The following EMC2 variants were observed in gnomAD, a reference collection of about 807,000 sequenced individuals.
The protein encoded by EMC2 is TPR repeat protein 35.
In EMC2, 37 loss-of-function variants were observed where a neutral mutation model predicts 51.6. That is an observed-to-expected ratio of 0.72 (90% CI 0.55 to 0.94). EMC2 has a LOEUF of 0.94. Ranked by LOEUF, EMC2 falls within the 40% of genes least tolerant of loss-of-function variation. The pLI is 0.00. For missense variants in EMC2, 359 were observed against 350.9 expected, an observed-to-expected ratio of 1.02 and a Z score of -0.18; for synonymous variants, 131 against 112.4, an observed-to-expected ratio of 1.17 and a Z score of -1.04.
At chr8:108,479,435 G>A (rs915885447) in intron 10 of EMC2, among the ~76,000 whole-genome samples, 1 of 152,056 alleles carries the variant, frequency 6.6e-6, no homozygotes, top group Non-Finnish European at 1.5e-5. Flanking sequence ...GATTGGGTAT[G>A]TGAGTGTATT....
chr8:108,462,307 C>T (rs906496223), intron 5 of EMC2, among the ~76,000 whole-genome samples: 1 of 151,808 alleles, frequency 6.6e-6, no homozygotes, highest in Non-Finnish European at 1.5e-5. Flanking sequence ...AAGATCATGC[C>T]ATGTCATCAC....
intron 1 of EMC2, among the ~76,000 whole-genome samples, chr8:108,446,590 A>T (rs927372609): frequency 3.9e-5 from 6 of 152,192 alleles, no homozygotes; most frequent in African/African-American, 1.4e-4. Context: ...ATGGAATGTC[A>T]GGTAGTATTA....
At chr8:108,466,056 A>AT (rs1479789119) in intron 5 of EMC2, among the ~76,000 whole-genome samples, 1 of 152,206 alleles carries the variant, frequency 6.6e-6, no homozygotes, top group African/African-American at 2.4e-5. Flanking sequence ...CACTTTACAT[A>AT]TATTATCCCA....
intron 5 of EMC2, among the ~76,000 whole-genome samples, chr8:108,469,087 A>G (rs1810798708): frequency 6.6e-6 from 1 of 152,128 alleles, no homozygotes; most frequent in Non-Finnish European, 1.5e-5. Context: ...TATCCCTGTC[A>G]TTGCTCTTAC....
intron 1 of EMC2, among the ~76,000 whole-genome samples, chr8:108,445,650 C>T (rs889375331): frequency 6.6e-6 from 1 of 151,814 alleles, no homozygotes; most frequent in African/African-American, 2.4e-5. Flanking sequence ...ACCTGCAATC[C>T]TTCGATTATG....
intron 9 of EMC2, among the ~76,000 whole-genome samples, chr8:108,478,051 G>A (rs1810979178): frequency 6.6e-6 from 1 of 152,028 alleles, no homozygotes; most frequent in South Asian, 2.1e-4. Flanking sequence ...TTCATAAGAA[G>A]AAGGTAACAT....
intron 4 of EMC2, among the ~76,000 whole-genome samples, chr8:108,455,573 A>G (rs931664510): frequency 1.3e-5 from 2 of 152,152 alleles, no homozygotes; most frequent in Admixed American, 6.6e-5. Flanking sequence ...TCTGTCTTCA[A>G]CTTGTGTGGC....
At chr8:108,468,501 A>T (rs1036166156) in intron 5 of EMC2, among the ~76,000 whole-genome samples, 1 of 151,974 alleles carries the variant, frequency 6.6e-6, no homozygotes, top group Non-Finnish European at 1.5e-5. Context: ...GATATATATT[A>T]TTAAAACATC....
At position 108,451,476 on chromosome 8, in the gene EMC2, A is replaced by C. The variant is rs1012634941; in HGVS notation, c.219+984A>C. On this transcript the variant is annotated intron_variant, in intron 3 of 10. Coordinates refer to ENST00000220853, the MANE Select transcript of EMC2 (RefSeq NM_014673.5). The stretch of plus-strand genomic sequence containing the variant: ...TCATGCTGCCTCTGTATTTAAACTG[A>C]AAGAAAATATGCAAAAACAAAAAAT... Among the ~76,000 whole-genome samples, 4 of 152,142 alleles carry C rather than the reference A, an allele frequency of 2.6e-5. No individual in the cohort carries two copies. The South Asian group carries it at 8.3e-4, about 32-fold the overall frequency.
chr8:108,476,390 A>G (rs1810947032), intron 8 of EMC2, among the ~76,000 whole-genome samples: 1 of 151,956 alleles, frequency 6.6e-6, no homozygotes, highest in South Asian at 2.1e-4. Flanking sequence ...GAAGGACTTC[A>G]TTATTAAAGA....
chr8:108,449,954 A>G lies in EMC2; in HGVS notation c.154+18A>G, dbSNP rs762093138. ...AGATGATAGTAAGTTCTTTTATTAC[A>G]TTCAGGCTCAGTACATGCCTCATTC... On this transcript the variant is annotated intron_variant, in intron 2 of 10. Transcript: ENST00000220853. 8.4e-7 allele frequency: 1 copy of G among 1,196,946 alleles called. No homozygotes were observed. Among genetic ancestry groups the G allele is most frequent in the South Asian group, 1.3e-5 (1 of 79,744 alleles). 74.1% of individuals were successfully genotyped at this position (1,196,946 alleles called of 1,614,324 possible).
chr8:108,444,481 G>T (rs1272372228), intron 1 of EMC2, among the ~76,000 whole-genome samples: 1 of 152,022 alleles, frequency 6.6e-6, no homozygotes, highest in Non-Finnish European at 1.5e-5. Context: ...TTTCATTAAG[G>T]CGTGGAATTT....
chr8:108,483,310 G>A (rs1004167541), intron 10 of EMC2, among the ~76,000 whole-genome samples: 1 of 152,084 alleles, frequency 6.6e-6, no homozygotes, highest in Non-Finnish European at 1.5e-5. Context: ...TGACAAATGT[G>A]TACATCCCCT....
At chr8:108,457,315 G>T (rs1819189686) in intron 5 of EMC2, among the ~76,000 whole-genome samples, 1 of 140,646 alleles carries the variant, frequency 7.1e-6, no homozygotes, top group South Asian at 2.4e-4. Flanking sequence ...TTTGTGTAGG[G>T]ATGTGCGTGT....
rs1818988155 is a variant in EMC2 at position 108,450,416 on chromosome 8, A to G, written c.155-12A>G. On this transcript the variant is annotated splice_polypyrimidine_tract_variant and intron_variant, in intron 2 of 10. Transcript: ENST00000220853. ...TTAAATTCAGTTTTTTTCCCCCTTT[A>G]TGTGTATCTAGTTTGGATCATATAT... is the stretch of plus-strand genomic sequence containing the variant. The G allele has an allele frequency of 1.3e-6, 2 of 1,550,512 alleles. No individual in the cohort carries two copies. Among genetic ancestry groups the G allele is most frequent in the Admixed American group, 1.7e-5 (1 of 59,424 alleles).
chr8:108,465,627 T>C (rs576180620), intron 5 of EMC2, among the ~76,000 whole-genome samples: 56 of 152,304 alleles, frequency 3.7e-4, no homozygotes, highest in African/African-American at 1.1e-3. Context: ...ATACATGGGT[T>C]CTTCAGAACT....
At chr8:108,446,736 G>A (rs1818885597) in intron 1 of EMC2, among the ~76,000 whole-genome samples, 1 of 152,150 alleles carries the variant, frequency 6.6e-6, no homozygotes, top group Non-Finnish European at 1.5e-5. Context: ...TTTTCTTCAA[G>A]ATGGTTTTAT....
intron 5 of EMC2, among the ~76,000 whole-genome samples, chr8:108,464,993 AG>A (rs1005337883): frequency 2.0e-5 from 3 of 152,250 alleles, no homozygotes; most frequent in Admixed American, 6.5e-5. Context: ...GGAGTGAGGC[AG>A]GGGGGAGGTT....
rs1819066477 is a variant in EMC2 at position 108,453,091 on chromosome 8, C to T, written c.249C>T (p.Phe83=). ...GTCTTCAAGAGCTGAGAAGACAGTT[C>T]CCTGGCAGTCACAGAGTCAAGCGAT... The part of the protein sequence containing the change: ...LFCLQELRRQ[F]PGSHRVKRLT... Residue 83 remains phenylalanine (F), a synonymous_variant, in exon 4 of 11, where the codon TTC becomes TTT. Transcript: ENST00000220853. 1 of 1,604,288 alleles carries T rather than the reference C, an allele frequency of 6.2e-7. No homozygotes were observed.
Sources: allele counts gnomAD v4.1 joint callset (sites outside exome capture counted in the v4.1 genomes callset), GRCh38; gene constraint gnomAD v4.1.1; transcripts MANE v1.5; gene names NCBI Gene and HGNC (gene_info 2026-07-23, HGNC 2026-07-21).